Variants in CHCHD6 observed in about 807,000 individuals in gnomAD.
The protein encoded by CHCHD6 is MICOS complex subunit MIC25.
CHCHD6 carries 28 observed loss-of-function variants against 32.3 expected under a neutral mutation model. That is an observed-to-expected ratio of 0.87 (90% CI 0.64 to 1.19). CHCHD6 has a LOEUF of 1.19. CHCHD6 is among the 50% of genes most tolerant of loss of function. The pLI is 0.00. For synonymous variants in CHCHD6, 122 were observed against 117.5 expected, an observed-to-expected ratio of 1.04 and a Z score of -0.25; for missense variants, 333 against 307.0, an observed-to-expected ratio of 1.08 and a Z score of -0.63.
chr3:126,707,786 A>T (rs1453129079), intron 1 of CHCHD6, among the ~76,000 whole-genome samples: 1 of 152,236 alleles, frequency 6.6e-6, no homozygotes, highest in African/African-American at 2.4e-5. Context: ...GGTCAGACAC[A>T]CAAGAGAGTC....
At chr3:126,953,180 C>A (rs1435399217) in intron 6 of CHCHD6, 13 of 975,810 alleles carry the variant, frequency 1.3e-5, no homozygotes, top group African/African-American at 1.8e-5. Context: ...AGCGCCTTGC[C>A]CCAGGTTTGT....
intron 1 of CHCHD6, among the ~76,000 whole-genome samples, chr3:126,710,976 G>A (rs1247347538): frequency 2.6e-5 from 4 of 152,172 alleles, no homozygotes; most frequent in Non-Finnish European, 5.9e-5. Flanking sequence ...AGCTGTGAAT[G>A]TGAACGTCCT....
intron 5 of CHCHD6, among the ~76,000 whole-genome samples, chr3:126,909,151 G>C (rs1033135924): frequency 6.6e-6 from 1 of 152,232 alleles, no homozygotes; most frequent in African/African-American, 2.4e-5. Flanking sequence ...CTGTTAACTT[G>C]GGAGGTGGTT....
intron 5 of CHCHD6, among the ~76,000 whole-genome samples, chr3:126,864,540 TCTC>T (rs1428491761): frequency 5.5e-4 from 42 of 75,698 alleles, no homozygotes; most frequent in African/African-American, 2.1e-3. Flanking sequence ...TCCTCCTCCT[TCTC>T]CACCTCCTCC....
chr3:126,785,571 G>C lies in CHCHD6; in HGVS notation c.411+52349G>C, dbSNP rs150597344. ...CCCTCTGAGCTGTGCTTTAGGTACA[G>C]CTCATAGTTTGTTTTTAAATTGTAA... On this transcript the variant is annotated intron_variant, in intron 4 of 7. Coordinates refer to ENST00000290913, the MANE Select transcript of CHCHD6 (RefSeq NM_032343.3). Among the ~76,000 whole-genome samples, 14 of 152,238 alleles carry C rather than the reference G, an allele frequency of 9.2e-5. No homozygotes were observed. In the East Asian group the frequency reaches 2.7e-3, roughly 29 times the overall value.
intron 5 of CHCHD6, among the ~76,000 whole-genome samples, chr3:126,884,076 A>G (rs1258653049): frequency 2.0e-5 from 3 of 152,182 alleles, no homozygotes; most frequent in Non-Finnish European, 4.4e-5. Context: ...CTTTGTATCA[A>G]GTTTTCAAAA....
intron 6 of CHCHD6, among the ~76,000 whole-genome samples, chr3:126,948,076 A>G (rs1242800616): frequency 1.3e-5 from 2 of 152,140 alleles, no homozygotes; most frequent in East Asian, 1.9e-4. Flanking sequence ...TCAGAAAACG[A>G]TCAGAGATAC....
chr3:126,903,022 C>A (rs2077952614), intron 5 of CHCHD6, among the ~76,000 whole-genome samples: 1 of 152,152 alleles, frequency 6.6e-6, no homozygotes, highest in Admixed American at 6.5e-5. Context: ...GGTCAGGAGG[C>A]ATGCTTGTAA....
At chr3:126,793,856 A>G (rs1434667838) in intron 4 of CHCHD6, among the ~76,000 whole-genome samples, 6 of 152,156 alleles carry the variant, frequency 3.9e-5, no homozygotes, top group African/African-American at 1.4e-4. Context: ...TCCCTGAAAG[A>G]TATTTTTACC....
Position 126,747,921 on chromosome 3 carries a change from G to A in CHCHD6, c.411+14699G>A, listed in dbSNP as rs184468827. Among the ~76,000 whole-genome samples the A allele has an allele frequency of 2.6e-5, 4 of 152,232 alleles. No homozygotes were observed. In the East Asian group the frequency reaches 5.8e-4, roughly 22 times the overall value. On this transcript the variant is annotated intron_variant, in intron 4 of 7. Coordinates refer to ENST00000290913, the MANE Select transcript of CHCHD6 (RefSeq NM_032343.3). ...GTTCGTGCTCTCTGACCTCCTGGGC[G>A]TTACCCTCTCTGCTGCTGCCTTGCC...
intron 7 of CHCHD6, among the ~76,000 whole-genome samples, chr3:126,958,678 C>T (rs953613128): frequency 2.0e-5 from 3 of 152,228 alleles, no homozygotes; most frequent in Non-Finnish European, 4.4e-5. Context: ...CCAGAAGTAG[C>T]TCCACACAGG....
At chr3:126,734,445 T>C (rs1935951839) in intron 4 of CHCHD6, among the ~76,000 whole-genome samples, 2 of 152,218 alleles carry the variant, frequency 1.3e-5, no homozygotes, top group Admixed American at 1.3e-4. Context: ...CATTTGGGAT[T>C]GTGCTCTCCT....
intron 6 of CHCHD6, among the ~76,000 whole-genome samples, chr3:126,947,314 T>C (rs2078653665): frequency 6.6e-6 from 1 of 152,274 alleles, no homozygotes; most frequent in Non-Finnish European, 1.5e-5. Flanking sequence ...TTCCTCCCTG[T>C]GGCTCCTGGG....
chr3:126,854,748 A>G (rs1460105132), intron 5 of CHCHD6: 1 of 152,498 alleles, frequency 6.6e-6, no homozygotes, highest in African/African-American at 2.4e-5. Context: ...TTTCGGGGAA[A>G]GTTGGATAAG....
At chr3:126,850,822 C>T (rs555523595) in intron 4 of CHCHD6, among the ~76,000 whole-genome samples, 4 of 152,268 alleles carry the variant, frequency 2.6e-5, no homozygotes, top group African/African-American at 7.2e-5. Flanking sequence ...AGAGGCCCAG[C>T]GCAGATTAGC....
At chr3:126,826,503 T>C (rs966504148) in intron 4 of CHCHD6, among the ~76,000 whole-genome samples, 2 of 152,276 alleles carry the variant, frequency 1.3e-5, no homozygotes, top group South Asian at 2.1e-4. Flanking sequence ...TTTCCTGTTT[T>C]GTGTGTGAGG....
intron 4 of CHCHD6, among the ~76,000 whole-genome samples, chr3:126,792,022 G>A (rs865964931): frequency 3.9e-5 from 6 of 151,974 alleles, no homozygotes; most frequent in African/African-American, 1.2e-4. Context: ...TTCGGGGTTC[G>A]TCCATGTTAT....
At chr3:126,773,492 C>G in intron 4 of CHCHD6, among the ~76,000 whole-genome samples, 1 of 152,106 alleles carries the variant, frequency 6.6e-6, no homozygotes. Context: ...GAAAGTTTTC[C>G]TACTGTTCTC....
intron 4 of CHCHD6, among the ~76,000 whole-genome samples, chr3:126,844,319 T>C (rs906578378): frequency 2.6e-5 from 4 of 152,224 alleles, no homozygotes; most frequent in African/African-American, 9.6e-5. Flanking sequence ...CAGATCAAAG[T>C]ATTTGACTGT....
Sources: gnomAD v4.1 joint callset for allele counts (sites outside exome capture counted in the v4.1 genomes callset) on GRCh38, gnomAD v4.1.1 for gene constraint, MANE v1.5 for transcripts, NCBI Gene and HGNC (gene_info 2026-07-23, HGNC 2026-07-21) for gene names.